TBC1D24: variants seen among roughly 807,000 people sequenced by gnomAD.
The protein encoded by TBC1D24 is TBC1 domain family member 24.
Under a neutral mutation model 50.7 loss-of-function variants are expected in TBC1D24, and 47 were observed. The observed-to-expected ratio is 0.93, with a 90% CI of 0.73 to 1.18. The LOEUF (loss-of-function observed/expected upper bound fraction) is 1.18. TBC1D24 is among the 50% of genes most tolerant of loss of function. The probability of loss-of-function intolerance (pLI) is 0.00; values close to 1 mark genes in which losing one functional copy is unlikely to be tolerated. For synonymous variants in TBC1D24, 324 were observed against 335.2 expected (o/e 0.97, Z 0.36); for missense variants, 688 against 766.5 (o/e 0.90, Z 1.21).
chr16:2,496,061 G>C lies in TBC1D24; in HGVS notation c.-88G>C, dbSNP rs560438271. 2 of 1,561,378 alleles carry C rather than the reference G, an allele frequency of 1.3e-6. No homozygotes were observed. The highest frequency in any genetic ancestry group is 1.7e-6 in the Non-Finnish European group (2 of 1,143,776). ...TGTGAGATGGCAGACAGGTTTGCAGGAAACCCTCAGAAAGGGGGCTGGAGG... is the reference window on the plus strand; with the variant it reads ...TGTGAGATGGCAGACAGGTTTGCAGCAAACCCTCAGAAAGGGGGCTGGAGG... On this transcript the variant is annotated 5_prime_UTR_variant, in exon 2 of 8. Transcript: ENST00000646147.
At chr16:2,476,146 C>A (rs1022008598) in intron 1 of TBC1D24, among the ~76,000 whole-genome samples, 1 of 152,210 alleles carries the variant, frequency 6.6e-6, no homozygotes, top group African/African-American at 2.4e-5. Flanking sequence ...CTGGAGTCAC[C>A]AGGTGACTTC....
At position 2,483,518 on chromosome 16, in the gene TBC1D24, G is replaced by A. The variant is rs1391124514; in HGVS notation, c.-116+8348G>A. ...AGGGCGCTGAGGGCTCTAGGAGAGG[G>A]TATGGGCAGGTGTATGAATGTGCAG... On this transcript the variant is annotated intron_variant, in intron 1 of 7. Coordinates refer to ENST00000646147, the MANE Select transcript of TBC1D24 (RefSeq NM_001199107.2). The surrounding 1 kb of genome is among the most constrained non-coding windows in gnomAD (Gnocchi z 4.0). 4 of 152,540 alleles carry A rather than the reference G, an allele frequency of 2.6e-5. No homozygotes were observed. The East Asian group carries it at 7.7e-4, about 29-fold the overall frequency. The allele number at this position is 152,540 out of a possible 1,614,324, so 9.4% of individuals were successfully genotyped here.
At chr16:2,490,680 G>A (rs1014267162) in intron 1 of TBC1D24, among the ~76,000 whole-genome samples, 4 of 152,188 alleles carry the variant, frequency 2.6e-5, no homozygotes, top group East Asian at 1.9e-4. Flanking sequence ...TGTTATTATC[G>A]GCTCCGCTCT....
chr16:2,490,112 G>T (rs767680432), intron 1 of TBC1D24, among the ~76,000 whole-genome samples: 16 of 152,188 alleles, frequency 1.1e-4, no homozygotes, highest in Non-Finnish European at 2.1e-4. Context: ...TGTGCCCTGA[G>T]GATCCTCAGT....
chr16:2,499,887 G>A lies in TBC1D24; in HGVS notation c.1259G>A (p.Gly420Asp), dbSNP rs2065776117. Residue 420 changes from glycine (G) to aspartate (D), a missense_variant, in exon 6 of 8, where the codon GGC becomes GAC. Transcript: ENST00000646147. The surrounding 1 kb of genome is among the most constrained non-coding windows in gnomAD (Gnocchi z 4.0). ...TGGAGTGAGAGAAATAAGTTTGGAG[G>A]CAAACTGGGCTTCTTTGGGACCGGA... ...TDWSERNKFG[G>D]KLGFFGTGEC... 6.2e-7 allele frequency: 1 copy of A among 1,614,098 alleles called. No individual in the cohort carries two copies. Among genetic ancestry groups the A allele is most frequent in the East Asian group, 2.2e-5 (1 of 44,870 alleles).
At chr16:2,493,305 G>GC (rs1196552726) in intron 1 of TBC1D24, among the ~76,000 whole-genome samples, 3 of 151,488 alleles carry the variant, frequency 2.0e-5, no homozygotes, top group Non-Finnish European at 2.9e-5. Flanking sequence ...CGCCCGGCTA[G>GC]TTTTTTTGTA....
At chr16:2,476,191 G>A (rs2065566733) in intron 1 of TBC1D24, among the ~76,000 whole-genome samples, 1 of 152,178 alleles carries the variant, frequency 6.6e-6, no homozygotes, top group African/African-American at 2.4e-5. Context: ...CCCATTATTT[G>A]GCACGTGGGC....
chr16:2,494,390 C>T (rs575785268), intron 1 of TBC1D24, among the ~76,000 whole-genome samples: 4 of 148,590 alleles, frequency 2.7e-5, no homozygotes, highest in South Asian at 2.1e-4. Flanking sequence ...CCAGCCCGTG[C>T]GACAGTGCAA....
rs1179219823 is a variant in TBC1D24, at chr16:2,482,276, G to A, written c.-116+7106G>A. The A allele has an allele frequency of 6.6e-6, 1 of 152,402 alleles. No individual in the cohort carries two copies. The highest frequency in any genetic ancestry group is 2.4e-5 in the African/African-American group (1 of 41,462). The allele number at this position is 152,402 out of a possible 1,614,324, so 9.4% of individuals were successfully genotyped here. On this transcript the variant is annotated intron_variant, in intron 1 of 7. Transcript: ENST00000646147. This position sits in a 1 kb window ranked among gnomAD's most constrained non-coding sequence, Gnocchi z 5.2. ...GAGACGCTTGGGTGCAGAAGTCACG[G>A]TGTGGTAGCAGGGCTGGGTGGATAA...
intron 1 of TBC1D24, among the ~76,000 whole-genome samples, chr16:2,494,189 G>A (rs1217969545): frequency 6.6e-6 from 1 of 152,160 alleles, no homozygotes; most frequent in African/African-American, 2.4e-5. Context: ...CGAGGTGGGT[G>A]GATCACGAGA....
At chr16:2,491,259 T>A (rs891470713) in intron 1 of TBC1D24, among the ~76,000 whole-genome samples, 1 of 152,236 alleles carries the variant, frequency 6.6e-6, no homozygotes, top group African/African-American at 2.4e-5. Context: ...CTAATTTTGG[T>A]ACTATTTGAC....
chr16:2,484,431 C>G (rs888117313), intron 1 of TBC1D24: 2 of 152,630 alleles, frequency 1.3e-5, no homozygotes. Context: ...CCCTGCCAAC[C>G]CCAGCACGCT....
chr16:2,487,197 C>T lies in TBC1D24; in HGVS notation c.-115-8837C>T, dbSNP rs2065657483. On this transcript the variant is annotated intron_variant, in intron 1 of 7. Transcript: ENST00000646147. This position sits in a 1 kb window ranked among gnomAD's most constrained non-coding sequence, Gnocchi z 4.1. ...AGGCTGCCTCCACACCTTTCCGCCCCTTCCACAGCAGCAGGCACAGCCCTG... is the reference window on the plus strand; with the variant it reads ...AGGCTGCCTCCACACCTTTCCGCCCTTTCCACAGCAGCAGGCACAGCCCTG... Among the ~76,000 whole-genome samples, 6 of 152,262 alleles carry T rather than the reference C, an allele frequency of 3.9e-5. No homozygotes were observed. Among genetic ancestry groups the T allele is most frequent in the Admixed American group, 3.3e-4 (5 of 15,292 alleles).
In TBC1D24 at chr16:2,487,559, C is replaced by T. The variant is rs528036774; in HGVS notation, c.-115-8475C>T. Among the ~76,000 whole-genome samples, 144 of 152,324 alleles carry T rather than the reference C, an allele frequency of 9.5e-4. No individual in the cohort carries two copies. The highest frequency in any genetic ancestry group is 1.7e-3 in the Non-Finnish European group (117 of 68,032). On this transcript the variant is annotated intron_variant, in intron 1 of 7. Coordinates refer to ENST00000646147, the MANE Select transcript of TBC1D24 (RefSeq NM_001199107.2). This position sits in a 1 kb window ranked among gnomAD's most constrained non-coding sequence, Gnocchi z 4.1. ...CACATTCCCCTCTGAAGAAGCGAGA[C>T]GTGCAGAGGCCTCGTGACTCAGGCT...
At position 2,497,079 on chromosome 16, in the gene TBC1D24, C is replaced by G. The variant is rs1206616589; in HGVS notation, c.931C>G (p.Leu311Val). The G allele has an allele frequency of 6.2e-7, 1 of 1,608,910 alleles. No individual in the cohort carries two copies. Among genetic ancestry groups the G allele is most frequent in the Non-Finnish European group, 8.5e-7 (1 of 1,180,024 alleles). The change falls in exon 2 of 8, where the codon CTG becomes GTG. Residue 311 changes from leucine (L) to valine (V), a missense_variant. Coordinates refer to ENST00000646147, the MANE Select transcript of TBC1D24 (RefSeq NM_001199107.2). Reference sequence around the variant, plus strand: ...CCTGCAGATGGCCAATGAGAAAGCCCTGAAGCAGAAGGGCATCACCGTGAA... The same window carrying G: ...CCTGCAGATGGCCAATGAGAAAGCCGTGAAGCAGAAGGGCATCACCGTGAA... ...QLLQMANEKA[L>V]KQKGITVKQK...
At chr16:2,477,040 C>T (rs1230799196) in intron 1 of TBC1D24, 1 of 152,056 alleles carries the variant, frequency 6.6e-6, no homozygotes, top group African/African-American at 2.4e-5. Context: ...AAGCAGGTTA[C>T]AAAAAAAGCA....
intron 1 of TBC1D24, among the ~76,000 whole-genome samples, chr16:2,490,951 G>GCAGC (rs1288615155): frequency 1.3e-5 from 2 of 152,196 alleles, no homozygotes; most frequent in Non-Finnish European, 2.9e-5. Context: ...ATGTACAGCA[G>GCAGC]CAGCCAGCCA....
rs747821285 is a variant in TBC1D24 at position 2,496,476 on chromosome 16, G to A, written c.328G>A (p.Gly110Ser). Residue 110 changes from glycine (G) to serine (S), a missense_variant, in exon 2 of 8, where the codon GGC becomes AGC. Transcript: ENST00000646147. Reference sequence around the variant, plus strand: ...GCCCAGCTACTGCCTGAATGCACGCGGCGAGGGGGCCGTGCGCAAGATCCT... The same window carrying A: ...GCCCAGCTACTGCCTGAATGCACGCAGCGAGGGGGCCGTGCGCAAGATCCT... Reference protein sequence around the residue: ...QVPSYCLNARGEGAVRKILLC... With the variant: ...QVPSYCLNARSEGAVRKILLC... 5.0e-6 allele frequency: 8 copies of A among 1,610,974 alleles called. No homozygotes were observed. The highest frequency in any genetic ancestry group is 1.7e-5 in the Admixed American group (1 of 60,020).
Position 2,496,055 on chromosome 16 carries a change from T to C in TBC1D24, c.-94T>C. 6.5e-7 allele frequency: 1 copy of C among 1,540,554 alleles called. No individual in the cohort carries two copies. The highest frequency in any genetic ancestry group is 8.9e-7 in the Non-Finnish European group (1 of 1,126,870). Reference sequence around the variant, plus strand: ...GCAGGGTGTGAGATGGCAGACAGGTTTGCAGGAAACCCTCAGAAAGGGGGC... The same window carrying C: ...GCAGGGTGTGAGATGGCAGACAGGTCTGCAGGAAACCCTCAGAAAGGGGGC... On this transcript the variant is annotated 5_prime_UTR_variant, in exon 2 of 8. Coordinates refer to ENST00000646147, the MANE Select transcript of TBC1D24 (RefSeq NM_001199107.2).
Sources: gnomAD v4.1 joint callset for allele counts (sites outside exome capture counted in the v4.1 genomes callset) on GRCh38, gnomAD v4.1.1 for gene constraint, Gnocchi (gnomAD v3.1) non-coding constraint, MANE v1.5 for transcripts, NCBI Gene and HGNC (gene_info 2026-07-23, HGNC 2026-07-21) for gene names.